SEC14L4: variants seen among roughly 807,000 people sequenced by gnomAD.
The protein encoded by SEC14L4 is SEC14-like protein 4.
Under a neutral mutation model 55.1 loss-of-function variants are expected in SEC14L4, and 42 were observed. That is an observed-to-expected ratio of 0.76 (90% CI 0.60 to 0.99). SEC14L4 has a LOEUF of 0.99. Among genes scored for constraint, SEC14L4 ranks in the 50% least tolerant of loss-of-function variants. The pLI, the probability that SEC14L4 is intolerant of heterozygous loss-of-function variation, is 0.00. For synonymous variants in SEC14L4, 206 were observed against 206.8 expected, an observed-to-expected ratio of 1.00 and a Z score of 0.03; for missense variants, 445 against 512.1, an observed-to-expected ratio of 0.87 and a Z score of 1.27.
In SEC14L4 at chr22:30,490,150, G is replaced by A. The variant is rs368560771; in HGVS notation, c.1178C>T (p.Thr393Met). 2.0e-5 allele frequency: 33 copies of A among 1,614,042 alleles called. No homozygotes were observed. The highest frequency in any genetic ancestry group is 6.6e-5 in the South Asian group (6 of 91,086). The change falls in exon 12 of 12, where the codon ACG becomes ATG. Residue 393 changes from threonine to methionine, a missense_variant. Physicochemically the swap from Thr to Met is moderately conservative, Grantham distance 81. Coordinates refer to ENST00000255858, the MANE Select transcript of SEC14L4 (RefSeq NM_174977.4). ...VLLPDKASEE[T>M]LQSLKAMRPS... ...TCTCATCGCCTTGAGACTCTGCAGC[G>A]TCTCCTCAGAGGCCTTGTCGGGAAG... is the stretch of plus-strand genomic sequence containing the variant.
At chr22:30,501,372 G>C (rs1936315864) in intron 2 of SEC14L4, among the ~76,000 whole-genome samples, 1 of 152,064 alleles carries the variant, frequency 6.6e-6, no homozygotes, top group Non-Finnish European at 1.5e-5. Flanking sequence ...CTTTATCAAG[G>C]GCACACCAAG....
At chr22:30,502,381 C>G (rs1010001283) in intron 2 of SEC14L4, among the ~76,000 whole-genome samples, 1 of 152,178 alleles carries the variant, frequency 6.6e-6, no homozygotes, top group African/African-American at 2.4e-5. Context: ...CACATGCTAG[C>G]ACTGGAACTC....
intron 1 of SEC14L4, 100 bp downstream of exon 1, chr22:30,505,458 T>C: frequency 8.0e-7 from 1 of 1,242,678 alleles, no homozygotes; most frequent in Non-Finnish European, 1.1e-6. Context: ...CTCTCCAGGC[T>C]CGGTGTTCCA....
chr22:30,495,657 C>G lies in SEC14L4; in HGVS notation c.175-15G>C. 1.9e-6 allele frequency: 3 copies of G among 1,614,018 alleles called. No individual in the cohort carries two copies. The highest frequency in any genetic ancestry group is 2.2e-5 in the East Asian group (1 of 44,862). On this transcript the variant is annotated splice_polypyrimidine_tract_variant and intron_variant, in intron 3 of 11. Coordinates refer to ENST00000255858, the MANE Select transcript of SEC14L4 (RefSeq NM_174977.4). ...AACTCCATGTGCTGCAGGAACACAG[C>G]AGGAGCTATAGGATTTTGCAGGAAC...
intron 9 of SEC14L4, 25 bp from the exon 10 acceptor site, chr22:30,491,998 C>T: frequency 6.2e-7 from 1 of 1,613,864 alleles, no homozygotes; most frequent in Non-Finnish European, 8.5e-7. Flanking sequence ...GGTGTGTGGG[C>T]ACTAGATCAC....
At position 30,494,172 on chromosome 22, in the gene SEC14L4, C is replaced by A. The variant is rs764614732; in HGVS notation, c.558G>T (p.Leu186=). Residue 186 remains leucine, a synonymous_variant, in exon 7 of 12, where the codon CTG becomes CTT. Transcript: ENST00000255858. The stretch of plus-strand genomic sequence containing the variant: ...TACCTCGAATAACAATTAAATTCTT[C>A]AGGGTCTCAGGATAATTTGCTTCCA... ...SILEANYPET[L]KNLIVIRAPK... 9 of 1,613,700 alleles carry A rather than the reference C, an allele frequency of 5.6e-6. No individual in the cohort carries two copies. The African/African-American group carries it at 9.3e-5, about 17-fold the overall frequency.
In SEC14L4 at chr22:30,489,460, G is replaced by C. The variant is rs374976525; in HGVS notation, c.*647C>G. The C allele has an allele frequency of 1.7e-5, 4 of 239,766 alleles. No homozygotes were observed. The highest frequency in any genetic ancestry group is 3.3e-5 in the Non-Finnish European group (4 of 122,820). 14.9% of individuals were successfully genotyped at this position (239,766 alleles called of 1,614,324 possible). On this transcript the variant is annotated 3_prime_UTR_variant, in exon 12 of 12. Transcript: ENST00000255858. ...TCACCATGTTGCCCAGGCTGGTCCC[G>C]AACTCCTGATCTCAGGTGATCTGCC...
chr22:30,502,312 T>C (rs1044771235), intron 2 of SEC14L4, among the ~76,000 whole-genome samples: 1 of 152,186 alleles, frequency 6.6e-6, no homozygotes, highest in African/African-American at 2.4e-5. Flanking sequence ...GGGACCAGTA[T>C]TATGCCCATT....
At chr22:30,495,228 G>A in intron 5 of SEC14L4, 26 bp downstream of exon 5, 2 of 1,571,316 alleles carry the variant, frequency 1.3e-6, no homozygotes, top group Non-Finnish European at 8.6e-7. Context: ...AGACAGATGA[G>A]GCCCAGCCCC....
Position 30,492,649 on chromosome 22 carries a change from G to C in SEC14L4, c.581-92C>G. On this transcript the variant is annotated intron_variant, in intron 7 of 11. Coordinates refer to ENST00000255858, the MANE Select transcript of SEC14L4 (RefSeq NM_174977.4). Reference sequence around the variant, plus strand: ...AAGAGCAGGTGCTGGACAGGAGGTGGACAGATATGGATTCTGCCACTCTCT... The same window carrying C: ...AAGAGCAGGTGCTGGACAGGAGGTGCACAGATATGGATTCTGCCACTCTCT... 3.2e-6 allele frequency: 3 copies of C among 947,478 alleles called. No individual in the cohort carries two copies. The South Asian group carries it at 4.1e-5, about 13-fold the overall frequency. 58.7% of individuals were successfully genotyped at this position (947,478 alleles called of 1,614,324 possible).
At position 30,494,857 on chromosome 22, in the gene SEC14L4, C is replaced by T; in HGVS notation, c.519+9G>A. The stretch of plus-strand genomic sequence containing the variant: ...CCCACACCAGCCCCAAGCCAGCCAC[C>T]CACCTTACCTGCTGGTAGACCTCCA... On this transcript the variant is annotated intron_variant, in intron 6 of 11. Coordinates refer to ENST00000255858, the MANE Select transcript of SEC14L4 (RefSeq NM_174977.4). The T allele has an allele frequency of 6.2e-7, 1 of 1,605,746 alleles. No homozygotes were observed. The highest frequency in any genetic ancestry group is 8.5e-7 in the Non-Finnish European group (1 of 1,172,916).
At chr22:30,496,951 G>C (rs563979809) in intron 2 of SEC14L4, among the ~76,000 whole-genome samples, 1 of 152,252 alleles carries the variant, frequency 6.6e-6, no homozygotes, top group African/African-American at 2.4e-5. Flanking sequence ...TCCACTCCCA[G>C]AGCTGAAACA....
chr22:30,494,169 C>T lies in SEC14L4; in HGVS notation c.561G>A (p.Lys187=), dbSNP rs376669049. The change falls in exon 7 of 12, where the codon AAG becomes AAA. Residue 187 remains lysine (K), a synonymous_variant. Coordinates refer to ENST00000255858, the MANE Select transcript of SEC14L4 (RefSeq NM_174977.4). ...GCTTACCTCGAATAACAATTAAATT[C>T]TTCAGGGTCTCAGGATAATTTGCTT... ...ILEANYPETL[K]NLIVIRAPKL... is the part of the protein sequence containing the mutation. 2.5e-6 allele frequency: 4 copies of T among 1,613,742 alleles called. No homozygotes were observed. The highest frequency in any genetic ancestry group is 1.7e-5 in the Admixed American group (1 of 60,006).
intron 2 of SEC14L4, among the ~76,000 whole-genome samples, chr22:30,499,443 A>T (rs1036973464): frequency 4.0e-4 from 61 of 151,522 alleles, no homozygotes; most frequent in Non-Finnish European, 6.5e-4. Flanking sequence ...TTTCTTTTTT[A>T]AAAAATTGTA....
rs61746412 is a variant in SEC14L4 at position 30,490,005 on chromosome 22, G to A, written c.*102C>T. 29,872 of 1,565,992 alleles carry A rather than the reference G, an allele frequency of 0.019. 446 individuals carry two copies. The highest frequency in any genetic ancestry group is 0.058 in the Middle Eastern group (346 of 5,980). On this transcript the variant is annotated 3_prime_UTR_variant, in exon 12 of 12. Coordinates refer to ENST00000255858, the MANE Select transcript of SEC14L4 (RefSeq NM_174977.4). ...ATGAAATGGTGACGTGGGACAAGTG[G>A]CTCTCTGCAGCCACCTCCAGCACCA...
At chr22:30,490,275 C>T (rs559431928) in intron 11 of SEC14L4, 29 bp from the exon 12 acceptor site, 2 of 1,609,282 alleles carry the variant, frequency 1.2e-6, no homozygotes, top group East Asian at 2.2e-5. Flanking sequence ...GATCAGGGAG[C>T]ACAAACCCCG....
chr22:30,505,655 C>T lies in SEC14L4; in HGVS notation c.-44G>A, dbSNP rs1601862533. 1.3e-6 allele frequency: 2 copies of T among 1,505,042 alleles called. No homozygotes were observed. The highest frequency in any genetic ancestry group is 2.5e-5 in the South Asian group (2 of 80,276). 93.2% of individuals were successfully genotyped at this position (1,505,042 alleles called of 1,614,324 possible). A position where few individuals can be genotyped will look rare whatever the true frequency, so the allele number is the denominator to read the frequency against. ...AAGGCTCAGGGCGCAGGTCCGCCCGCCCGCCGCCGCCTGGCCTTGTATCCG... is the reference window on the plus strand; with the variant it reads ...AAGGCTCAGGGCGCAGGTCCGCCCGTCCGCCGCCGCCTGGCCTTGTATCCG... On this transcript the variant is annotated 5_prime_UTR_variant, in exon 1 of 12. Transcript: ENST00000255858.
chr22:30,489,640 G>A lies in SEC14L4; in HGVS notation c.*467C>T. ...CACCCAGCTGCCTCCAGCTGGGCCTGCCCACCCCTGCTGACCTCCTACATG... is the reference window on the plus strand; with the variant it reads ...CACCCAGCTGCCTCCAGCTGGGCCTACCCACCCCTGCTGACCTCCTACATG... On this transcript the variant is annotated 3_prime_UTR_variant, in exon 12 of 12. Transcript: ENST00000255858. 3.4e-6 allele frequency: 2 copies of A among 594,214 alleles called. No individual in the cohort carries two copies. The highest frequency in any genetic ancestry group is 2.8e-5 in the East Asian group (1 of 35,764). The allele number at this position is 594,214 out of a possible 1,614,324, so 36.8% of individuals were successfully genotyped here. A position where few individuals can be genotyped will look rare whatever the true frequency, so the allele number is the denominator to read the frequency against.
Position 30,500,073 on chromosome 22 carries a change from T to A in SEC14L4, c.130+3604A>T, listed in dbSNP as rs533625660. Among the ~76,000 whole-genome samples the A allele has an allele frequency of 2.8e-3, 420 of 152,192 alleles. 7 individuals carry two copies. The highest frequency in any genetic ancestry group is 9.5e-3 in the African/African-American group (396 of 41,526). ...TTAGTAGACACAGGGTTTCTCCATGTTGGTCAGGCTTTTCTCGAACTCCCG... is the reference window on the plus strand; with the variant it reads ...TTAGTAGACACAGGGTTTCTCCATGATGGTCAGGCTTTTCTCGAACTCCCG... On this transcript the variant is annotated intron_variant, in intron 2 of 11. Coordinates refer to ENST00000255858, the MANE Select transcript of SEC14L4 (RefSeq NM_174977.4).
Sources: gnomAD v4.1 joint callset for allele counts (sites outside exome capture counted in the v4.1 genomes callset) on GRCh38, gnomAD v4.1.1 for gene constraint, MANE v1.5 for transcripts, NCBI Gene and HGNC (gene_info 2026-07-23, HGNC 2026-07-21) for gene names.